CDKAL1: variants seen among roughly 807,000 people sequenced by gnomAD.
CDKAL1 encodes CDKAL1 threonylcarbamoyladenosine tRNA methylthiotransferase, also known as threonylcarbamoyladenosine tRNA methylthiotransferase.
Under a neutral mutation model 68.2 loss-of-function variants are expected in CDKAL1, and 32 were observed. That is an observed-to-expected ratio of 0.47 (90% CI 0.35 to 0.63). The LOEUF (loss-of-function observed/expected upper bound fraction) is 0.63, where lower values mean the gene tolerates loss of function less well. Among genes scored for constraint, CDKAL1 ranks in the 30% least tolerant of loss-of-function variants. CDKAL1 has a pLI of 0.00. For synonymous variants in CDKAL1, 234 were observed against 244.3 expected (o/e 0.96, Z 0.39); for missense variants, 606 against 696.7 (o/e 0.87, Z 1.47).
chr6:21,221,425 G>A (rs540453449), intron 15 of CDKAL1, among the ~76,000 whole-genome samples: 16 of 152,060 alleles, frequency 1.1e-4, no homozygotes, highest in African/African-American at 3.9e-4. Context: ...AGGGGGTTTC[G>A]CCATGTTGCC....
intron 9 of CDKAL1, among the ~76,000 whole-genome samples, chr6:20,915,068 C>G (rs1476775864): frequency 6.6e-6 from 1 of 151,626 alleles, no homozygotes; most frequent in South Asian, 2.1e-4. Flanking sequence ...CCATTAAACT[C>G]TTAATCCTTA....
In CDKAL1 at chr6:20,563,754, A is replaced by G. The variant is rs145837336; in HGVS notation, c.286+15049A>G. Among the ~76,000 whole-genome samples, 380 of 152,230 alleles carry G rather than the reference A, an allele frequency of 2.5e-3. 1 individual carries two copies. The highest frequency in any genetic ancestry group is 8.8e-3 in the African/African-American group (365 of 41,548). ...GTAAGCAGCTGTGTGAATGTAGTCA[A>G]TGTGTATTCTTCATTTAATAAACAT... On this transcript the variant is annotated intron_variant, in intron 4 of 15. Transcript: ENST00000274695.
intron 9 of CDKAL1, among the ~76,000 whole-genome samples, chr6:20,914,148 G>A (rs974205593): frequency 1.3e-5 from 2 of 151,994 alleles, no homozygotes; most frequent in African/African-American, 2.4e-5. Flanking sequence ...AAATTAGCTG[G>A]GCGTGGTGGC....
intron 15 of CDKAL1, among the ~76,000 whole-genome samples, chr6:21,218,443 G>C (rs1208066107): frequency 2.0e-5 from 3 of 152,216 alleles, no homozygotes; most frequent in South Asian, 4.1e-4. Context: ...AGAAATCTAG[G>C]TGCAGCTTCT....
At chr6:21,129,682 C>CAAAAAAAAAAAAAA (rs34802727) in intron 13 of CDKAL1, among the ~76,000 whole-genome samples, 2 of 69,010 alleles carry the variant, frequency 2.9e-5, no homozygotes, top group East Asian at 4.4e-4. Flanking sequence ...TGCAGTTTAC[C>CAAAAAAAAAAAAAA]AAAAAAAAAA....
chr6:21,079,974 C>CTGTGTGTGTG lies in CDKAL1; in HGVS notation c.1236+14747_1236+14748insGTGTGTGTGT, dbSNP rs1206773584. Among the ~76,000 whole-genome samples, 126 of 20,478 alleles carry CTGTGTGTGTG rather than the reference C, an allele frequency of 6.2e-3. 2 individuals carry two copies. The East Asian group carries it at 0.076, about 12-fold the overall frequency. The allele number at this position is 20,478 out of a possible 152,430, so 13.4% of individuals were successfully genotyped here. ...CATAAGATAAGCTTATCAACTTTGT[C>CTGTGTGTGTG]TCTGTGTGTGTGTGTGTGTGTGTGT... is the stretch of plus-strand genomic sequence containing the variant. On this transcript the variant is annotated intron_variant, in intron 12 of 15. Transcript: ENST00000274695.
intron 14 of CDKAL1, among the ~76,000 whole-genome samples, chr6:21,198,376 A>G (rs1778552526): frequency 6.6e-6 from 1 of 152,192 alleles, no homozygotes; most frequent in African/African-American, 2.4e-5. Context: ...GAACCAGGCA[A>G]TTAGCACTGC....
Position 20,758,576 on chromosome 6 carries a change from C to CA in CDKAL1, c.469-19_469-18insA. On this transcript the variant is annotated intron_variant, in intron 6 of 15. Coordinates refer to ENST00000274695, the MANE Select transcript of CDKAL1 (RefSeq NM_017774.3). ...TCTTCGTGTAAATTACTTGTGTAATCGTTTTTTTTTTTTTCCAGGTTCAGC... is the reference window on the plus strand; with the variant it reads ...TCTTCGTGTAAATTACTTGTGTAATCAGTTTTTTTTTTTTTCCAGGTTCAGC... 2 of 1,558,282 alleles carry CA rather than the reference C, an allele frequency of 1.3e-6. No individual in the cohort carries two copies. The highest frequency in any genetic ancestry group is 1.2e-5 in the South Asian group (1 of 84,212).
chr6:20,819,923 T>C (rs114902038), intron 8 of CDKAL1, among the ~76,000 whole-genome samples: 1,708 of 152,310 alleles, frequency 0.011, 27 homozygotes, highest in African/African-American at 0.039. Flanking sequence ...TGCCAACCGC[T>C]TTCAGTGATG....
chr6:21,124,509 T>C (rs1774893219), intron 13 of CDKAL1, among the ~76,000 whole-genome samples: 1 of 151,968 alleles, frequency 6.6e-6, no homozygotes, highest in African/African-American at 2.4e-5. Flanking sequence ...CGATGAATAT[T>C]ACATCTCTCC....
chr6:21,127,962 G>A (rs910096410), intron 13 of CDKAL1, among the ~76,000 whole-genome samples: 1 of 152,130 alleles, frequency 6.6e-6, no homozygotes, highest in Non-Finnish European at 1.5e-5. Flanking sequence ...TTGATCACTG[G>A]TTTTGTTTTC....
At chr6:20,745,903 TATA>T (rs1432560453) in intron 6 of CDKAL1, among the ~76,000 whole-genome samples, 3 of 152,250 alleles carry the variant, frequency 2.0e-5, no homozygotes, top group African/African-American at 7.2e-5. Flanking sequence ...TTGTTTTAGT[TATA>T]ATATTACTCT....
At chr6:20,828,975 A>G (rs142115610) in intron 8 of CDKAL1, among the ~76,000 whole-genome samples, 70 of 152,318 alleles carry the variant, frequency 4.6e-4, no homozygotes, top group African/African-American at 1.1e-3. Flanking sequence ...TTCAGCTCGC[A>G]TAATGTTCTC....
chr6:20,701,231 G>A (rs528438372), intron 5 of CDKAL1, among the ~76,000 whole-genome samples: 1 of 150,874 alleles, frequency 6.6e-6, no homozygotes, highest in Non-Finnish European at 1.5e-5. Context: ...GATGACTTAT[G>A]GGCTCAATCT....
At chr6:20,797,467 C>T (rs1776154839) in intron 8 of CDKAL1, among the ~76,000 whole-genome samples, 1 of 152,150 alleles carries the variant, frequency 6.6e-6, no homozygotes, top group Non-Finnish European at 1.5e-5. Flanking sequence ...ATGTACTTAT[C>T]ATATGACGAA....
Position 20,568,753 on chromosome 6 carries a change from A to AAAAAAAAAC in CDKAL1, c.286+20053_286+20054insAAACAAAAA, listed in dbSNP as rs1561931956. Among the ~76,000 whole-genome samples the AAAAAAAAAC allele has an allele frequency of 2.3e-3, 293 of 127,470 alleles. 8 individuals are homozygous for AAAAAAAAAC. Among genetic ancestry groups the AAAAAAAAAC allele is most frequent in the Middle Eastern group, 4.3e-3 (1 of 230 alleles). 83.6% of individuals were successfully genotyped at this position (127,470 alleles called of 152,430 possible). On this transcript the variant is annotated intron_variant, in intron 4 of 15. Coordinates refer to ENST00000274695, the MANE Select transcript of CDKAL1 (RefSeq NM_017774.3). The stretch of plus-strand genomic sequence containing the variant: ...CCGCCTCAAAAAAAAAAAAAAAACA[A>AAAAAAAAAC]AAAAACAAAAAAACAAAGAAATGTG...
At chr6:21,178,060 C>T (rs947130324) in intron 13 of CDKAL1, among the ~76,000 whole-genome samples, 2 of 151,990 alleles carry the variant, frequency 1.3e-5, no homozygotes, top group Non-Finnish European at 2.9e-5. Flanking sequence ...TTTAGTCTAT[C>T]AACTATGTAA....
At chr6:20,726,149 G>A (rs1772644319) in intron 5 of CDKAL1, among the ~76,000 whole-genome samples, 1 of 151,802 alleles carries the variant, frequency 6.6e-6, no homozygotes, top group Non-Finnish European at 1.5e-5. Context: ...TGTCTCTAAG[G>A]GTGGCCACCT....
chr6:20,802,331 A>AATAAT (rs1459780423), intron 8 of CDKAL1, among the ~76,000 whole-genome samples: 6 of 150,512 alleles, frequency 4.0e-5, no homozygotes, highest in South Asian at 2.1e-4. Flanking sequence ...TAATAATAAT[A>AATAAT]ATAATAATAA....
Sources: allele counts gnomAD v4.1 joint callset (sites outside exome capture counted in the v4.1 genomes callset), GRCh38; gene constraint gnomAD v4.1.1; transcripts MANE v1.5; gene names NCBI Gene and HGNC (gene_info 2026-07-23, HGNC 2026-07-21).